LRRC53: variants seen among roughly 807,000 people sequenced by gnomAD.
The protein encoded by LRRC53 is leucine-rich repeat-containing protein 53.
A neutral mutation model predicts 13.6 loss-of-function variants in LRRC53; 25 were observed. The observed-to-expected ratio is 1.83, with a 90% CI of 1.34 to 2.56. The LOEUF (loss-of-function observed/expected upper bound fraction) is 2.56, where lower values mean the gene tolerates loss of function less well. Among genes scored for constraint, LRRC53 ranks in the 30% most tolerant of loss-of-function variants. The probability of loss-of-function intolerance (pLI) is 0.00; values close to 1 mark genes in which losing one functional copy is unlikely to be tolerated. For missense variants in LRRC53, 527 were observed against 275.8 expected (o/e 1.91, Z -6.45); for synonymous variants, 204 against 109.8 (o/e 1.86, Z -5.37).
chr1:74,516,198 AT>A (rs1335127856), upstream of LRRC53, among the ~76,000 whole-genome samples: 1 of 152,158 alleles, frequency 6.6e-6, no homozygotes, highest in Non-Finnish European at 1.5e-5. Flanking sequence ...CTGTTCTGAA[AT>A]TTCCCATTAG....
chr1:74,472,587 C>G (rs1381072939), intron 4 of LRRC53, among the ~76,000 whole-genome samples: 3 of 151,900 alleles, frequency 2.0e-5, no homozygotes, highest in African/African-American at 7.3e-5. Context: ...AAATATTGGG[C>G]AGAACATGGG....
At chr1:74,523,256 C>A in the LRRC53 span, among the ~76,000 whole-genome samples, 1 of 152,184 alleles carries the variant, frequency 6.6e-6, no homozygotes, top group East Asian at 1.9e-4. Context: ...CCTATGATTT[C>A]AAAAAACACA....
chr1:74,526,826 A>G, the LRRC53 span, among the ~76,000 whole-genome samples: 1 of 152,184 alleles, frequency 6.6e-6, no homozygotes, highest in African/African-American at 2.4e-5. Flanking sequence ...TCTAAAGAAG[A>G]GATTGGTAAA....
intron 4 of LRRC53, among the ~76,000 whole-genome samples, chr1:74,473,598 G>C (rs78430300): frequency 4.0e-4 from 61 of 151,632 alleles, no homozygotes; most frequent in Non-Finnish European, 6.8e-4. Flanking sequence ...GTAGACAGGA[G>C]ATGTACTCTC....
intron 1 of LRRC53, among the ~76,000 whole-genome samples, chr1:74,488,480 T>C (rs1668879538): frequency 6.6e-6 from 1 of 152,196 alleles, no homozygotes; most frequent in African/African-American, 2.4e-5. Context: ...ATAGGGTGTA[T>C]AGTTTTAGGA....
At chr1:74,501,928 A>C (rs1420697552) in intron 1 of LRRC53, among the ~76,000 whole-genome samples, 2 of 152,118 alleles carry the variant, frequency 1.3e-5, no homozygotes, top group Non-Finnish European at 2.9e-5. Context: ...GCCAGGAATA[A>C]TGTAAGATAT....
intron 1 of LRRC53, among the ~76,000 whole-genome samples, chr1:74,504,433 T>C (rs1414697013): frequency 6.6e-6 from 1 of 152,178 alleles, no homozygotes; most frequent in Non-Finnish European, 1.5e-5. Context: ...GTGTGCAGCC[T>C]CAAAGTTGAG....
In LRRC53 at chr1:74,471,810, G is replaced by C. The variant is rs1476392372; in HGVS notation, c.1812C>G (p.Ile604Met). Residue 604 changes from isoleucine (I) to methionine (M), a missense_variant, in exon 5 of 5, where the codon ATC (isoleucine) becomes ATG (methionine). Ile to Met is a conservative substitution (Grantham distance 10). Transcript: ENST00000294635. The stretch of plus-strand genomic sequence containing the variant: ...ATTTTTCTATTGCACTGTTAATTTG[G>C]ATTTGCTCTTTCTCAGGCTTTGAGT... ...RQHSKPEKEQ[I>M]QINSAIEKFL... 1.6e-5 allele frequency: 7 copies of C among 430,962 alleles called. No individual in the cohort carries two copies. The highest frequency in any genetic ancestry group is 8.3e-5 in the Admixed American group (2 of 23,958). The allele number at this position is 430,962 out of a possible 1,614,324, so 26.7% of individuals were successfully genotyped here. A position where few individuals can be genotyped will look rare whatever the true frequency, so the allele number is the denominator to read the frequency against.
chr1:74,484,668 T>C (rs1668662792), intron 1 of LRRC53, among the ~76,000 whole-genome samples: 1 of 152,000 alleles, frequency 6.6e-6, no homozygotes, highest in African/African-American at 2.4e-5. Context: ...CTCAAGGGCA[T>C]GAGGAGGTTG....
intron 1 of LRRC53, among the ~76,000 whole-genome samples, chr1:74,486,930 T>C (rs899320885): frequency 2.6e-5 from 4 of 152,174 alleles, no homozygotes; most frequent in African/African-American, 9.7e-5. Context: ...AACCATTGAA[T>C]TTAGCAATGA....
intron 1 of LRRC53, among the ~76,000 whole-genome samples, chr1:74,508,664 G>A (rs1370369422): frequency 6.6e-6 from 1 of 152,210 alleles, no homozygotes; most frequent in Non-Finnish European, 1.5e-5. Context: ...AAAACCAACA[G>A]CAAGCTATAG....
intron 1 of LRRC53, among the ~76,000 whole-genome samples, chr1:74,490,969 G>T (rs1478798097): frequency 6.6e-6 from 1 of 152,184 alleles, no homozygotes; most frequent in African/African-American, 2.4e-5. Context: ...AGCTCATTGG[G>T]AGTTAAAATA....
intron 1 of LRRC53, among the ~76,000 whole-genome samples, chr1:74,501,890 A>G (rs543455778): frequency 7.9e-5 from 12 of 152,052 alleles, no homozygotes; most frequent in Non-Finnish European, 1.6e-4. Context: ...ATATATATAT[A>G]CATTTTCTTT....
the LRRC53 span, among the ~76,000 whole-genome samples, chr1:74,529,427 G>A: frequency 2.6e-5 from 4 of 152,136 alleles, no homozygotes; most frequent in Admixed American, 6.5e-5. Flanking sequence ...AAAATGTCAC[G>A]GTTAGGAAAT....
At chr1:74,474,494 A>T (rs983619931) in intron 4 of LRRC53, among the ~76,000 whole-genome samples, 1 of 152,148 alleles carries the variant, frequency 6.6e-6, no homozygotes, top group African/African-American at 2.4e-5. Context: ...CCCCTGTGGT[A>T]AGAATTTCTT....
the LRRC53 span, among the ~76,000 whole-genome samples, chr1:74,528,964 T>A: frequency 6.6e-6 from 1 of 152,284 alleles, no homozygotes; most frequent in East Asian, 1.9e-4. Flanking sequence ...CAAAGAAAGA[T>A]GGTGACATAA....
chr1:74,530,190 C>A, the LRRC53 span, among the ~76,000 whole-genome samples: 1 of 152,146 alleles, frequency 6.6e-6, no homozygotes, highest in Non-Finnish European at 1.5e-5. Context: ...ACACTCATGT[C>A]TGTATTCCTA....
the LRRC53 span, among the ~76,000 whole-genome samples, chr1:74,527,294 G>A: frequency 0.012 from 1,896 of 152,210 alleles, 41 homozygotes; most frequent in African/African-American, 0.044. Flanking sequence ...AAGAATCAGA[G>A]TAAACAGACA....
At chr1:74,479,449 T>G (rs942281574) in intron 3 of LRRC53, among the ~76,000 whole-genome samples, 1 of 152,168 alleles carries the variant, frequency 6.6e-6, no homozygotes, top group African/African-American at 2.4e-5. Flanking sequence ...TACATAGAGT[T>G]GGACAAACAG....
Sources: allele counts gnomAD v4.1 joint callset (sites outside exome capture counted in the v4.1 genomes callset), GRCh38; gene constraint gnomAD v4.1.1; transcripts MANE v1.5; gene names NCBI Gene and HGNC (gene_info 2026-07-23, HGNC 2026-07-21).